The following EFNA2 variants were observed in gnomAD, a reference collection of about 807,000 sequenced individuals.
EFNA2 encodes ephrin A2.
EFNA2 carries 18 observed loss-of-function variants against 19.7 expected under a neutral mutation model. The ratio of observed to expected loss-of-function variants is 0.91; its 90% CI spans 0.63 to 1.35. The LOEUF (loss-of-function observed/expected upper bound fraction) is 1.35. Ranked by LOEUF, EFNA2 falls within the 40% of genes most tolerant of loss-of-function variation. The pLI is 0.00. For missense variants in EFNA2, 303 were observed against 296.0 expected (o/e 1.02, Z -0.17); for synonymous variants, 187 against 137.8 (o/e 1.36, Z -2.50).
chr19:1,298,862 T>C (rs1248692560), intron 3 of EFNA2, among the ~76,000 whole-genome samples: 2 of 152,018 alleles, frequency 1.3e-5, no homozygotes, highest in Non-Finnish European at 2.9e-5. Context: ...GGAGAATCAA[T>C]TGAGCCCAGG....
Position 1,295,755 on chromosome 19 carries a change from C to G in EFNA2, c.351C>G (p.Pro117=). The change falls in exon 2 of 4, where the codon CCC becomes CCG. Residue 117 remains proline, a synonymous_variant. Transcript: ENST00000215368. This position sits in a 1 kb window ranked among gnomAD's most constrained non-coding sequence, Gnocchi z 5.8. The part of the protein sequence containing the change: ...RGFKRWECNR[P]AAPGGPLKFS... Reference sequence around the variant, plus strand: ...TCAAGCGCTGGGAGTGCAACCGGCCCGCGGCGCCCGGGGGGCCGCTCAAGT... The same window carrying G: ...TCAAGCGCTGGGAGTGCAACCGGCCGGCGGCGCCCGGGGGGCCGCTCAAGT... 3 of 1,605,260 alleles carry G rather than the reference C, an allele frequency of 1.9e-6. No homozygotes were observed. The highest frequency in any genetic ancestry group is 2.5e-6 in the Non-Finnish European group (3 of 1,177,008).
rs1320990792 is a variant in EFNA2 at position 1,295,140 on chromosome 19, C to T, written c.141-405C>T. 1.3e-5 allele frequency among the ~76,000 whole-genome samples: 2 copies of T among 152,106 alleles called. No individual in the cohort carries two copies. Among genetic ancestry groups the T allele is most frequent in the African/African-American group, 2.4e-5 (1 of 41,408 alleles). On this transcript the variant is annotated intron_variant, in intron 1 of 3. Transcript: ENST00000215368. The surrounding 1 kb of genome is among the most constrained non-coding windows in gnomAD (Gnocchi z 5.8). ...TGGGCTCCCAACCTTGGAAGCCCGC[C>T]GTGATTGGGGTGTGCAACCCCACCT...
intron 1 of EFNA2, among the ~76,000 whole-genome samples, chr19:1,289,542 G>A (rs2082861311): frequency 6.6e-6 from 1 of 152,210 alleles, no homozygotes; most frequent in African/African-American, 2.4e-5. Context: ...AAGCCTCAGA[G>A]CAGGGTGGAC....
intron 1 of EFNA2, among the ~76,000 whole-genome samples, chr19:1,292,748 G>A (rs922768605): frequency 1.3e-5 from 2 of 152,188 alleles, no homozygotes; most frequent in African/African-American, 4.8e-5. Context: ...CTGAGCCGCC[G>A]CCAACGTGTT....
At chr19:1,292,105 A>G (rs1286099377) in intron 1 of EFNA2, among the ~76,000 whole-genome samples, 1 of 152,218 alleles carries the variant, frequency 6.6e-6, no homozygotes, top group Non-Finnish European at 1.5e-5. Context: ...TAATGGAGGA[A>G]GCGAAGGCTT....
Position 1,295,682 on chromosome 19 carries a change from T to A in EFNA2, c.278T>A (p.Met93Lys). ...AERMEHYVLYMVNGEGHASCD... is the reference protein window; with the variant it reads ...AERMEHYVLYKVNGEGHASCD... ...CGCATGGAGCACTACGTGCTGTACA[T>A]GGTCAACGGCGAGGGCCACGCCTCC... Residue 93 changes from methionine (M) to lysine (K), a missense_variant, in exon 2 of 4, where the codon ATG (methionine) becomes AAG (lysine). Transcript: ENST00000215368. The surrounding 1 kb of genome is among the most constrained non-coding windows in gnomAD (Gnocchi z 5.8). 1 of 1,609,782 alleles carries A rather than the reference T, an allele frequency of 6.2e-7. No individual in the cohort carries two copies. The highest frequency in any genetic ancestry group is 1.3e-5 in the African/African-American group (1 of 74,740).
At chr19:1,289,833 G>A (rs1412484790) in intron 1 of EFNA2, among the ~76,000 whole-genome samples, 26 of 152,204 alleles carry the variant, frequency 1.7e-4, no homozygotes, top group Admixed American at 1.6e-3. Flanking sequence ...CCGTGGCTCC[G>A]CTGGCGTCCC....
intron 3 of EFNA2, 50 bp from the exon 4 acceptor site, chr19:1,299,774 C>T: frequency 1.3e-6 from 2 of 1,552,708 alleles, no homozygotes; most frequent in African/African-American, 2.7e-5. Flanking sequence ...ACGTGGGGAG[C>T]CCAGTGGGGT....
chr19:1,292,544 C>T (rs530728466), intron 1 of EFNA2, among the ~76,000 whole-genome samples: 1 of 152,272 alleles, frequency 6.6e-6, no homozygotes, highest in African/African-American at 2.4e-5. Flanking sequence ...GGGCGGGGCA[C>T]AGGGAACAGC....
Position 1,286,614 on chromosome 19 carries a change from T to G in EFNA2, c.140+306T>G, listed in dbSNP as rs1022058984. On this transcript the variant is annotated intron_variant, in intron 1 of 3. Transcript: ENST00000215368. This position sits in a 1 kb window ranked among gnomAD's most constrained non-coding sequence, Gnocchi z 5.6. ...GGGGAACCCCTCTGGTACCCTCCGA[T>G]GCCGGGTAGCCCCTGAGTTGCCTGC... 6.6e-6 allele frequency among the ~76,000 whole-genome samples: 1 copy of G among 152,128 alleles called. No individual in the cohort carries two copies. Among genetic ancestry groups the G allele is most frequent in the Non-Finnish European group, 1.5e-5 (1 of 67,994 alleles).
chr19:1,284,864 CG>C (rs1411890308), upstream of EFNA2, among the ~76,000 whole-genome samples: 5 of 152,236 alleles, frequency 3.3e-5, no homozygotes, highest in Non-Finnish European at 7.3e-5. This position sits in a 1 kb window ranked among gnomAD's most constrained non-coding sequence, Gnocchi z 5.3. Context: ...ATCTGGGCAT[CG>C]CCAGCAAAGT....
chr19:1,286,942 C>G lies in EFNA2; in HGVS notation c.140+634C>G, dbSNP rs780624051. On this transcript the variant is annotated intron_variant, in intron 1 of 3. Transcript: ENST00000215368. This position sits in a 1 kb window ranked among gnomAD's most constrained non-coding sequence, Gnocchi z 5.6. ...GCAGTGGGATGGAGTCCTCTCTTGT[C>G]CTCTGGGCGCTGACCAGGAAACTGA... 6.6e-6 allele frequency among the ~76,000 whole-genome samples: 1 copy of G among 152,266 alleles called. No homozygotes were observed. The highest frequency in any genetic ancestry group is 1.9e-4 in the East Asian group (1 of 5,158).
rs111533148 is a variant in EFNA2 at position 1,286,383 on chromosome 19, C to T, written c.140+75C>T. On this transcript the variant is annotated intron_variant, in intron 1 of 3. Coordinates refer to ENST00000215368, the MANE Select transcript of EFNA2 (RefSeq NM_001405.4). This position sits in a 1 kb window ranked among gnomAD's most constrained non-coding sequence, Gnocchi z 5.6. ...CAAGCCGCGCCCGGCCTCGCGCCCCCGGAGCTCCGGGCGCCCCCCACGCGC... is the reference window on the plus strand; with the variant it reads ...CAAGCCGCGCCCGGCCTCGCGCCCCTGGAGCTCCGGGCGCCCCCCACGCGC... 1.3e-6 allele frequency: 1 copy of T among 775,198 alleles called. No individual in the cohort carries two copies. The highest frequency in any genetic ancestry group is 6.4e-5 in the Admixed American group (1 of 15,548). 48.0% of individuals were successfully genotyped at this position (775,198 alleles called of 1,614,324 possible). A position where few individuals can be genotyped will look rare whatever the true frequency, so the allele number is the denominator to read the frequency against.
At position 1,294,957 on chromosome 19, in the gene EFNA2, C is replaced by T. The variant is rs1262090654; in HGVS notation, c.141-588C>T. Among the ~76,000 whole-genome samples, 1 of 152,102 alleles carries T rather than the reference C, an allele frequency of 6.6e-6. No homozygotes were observed. The highest frequency in any genetic ancestry group is 1.5e-5 in the Non-Finnish European group (1 of 68,012). On this transcript the variant is annotated intron_variant, in intron 1 of 3. Coordinates refer to ENST00000215368, the MANE Select transcript of EFNA2 (RefSeq NM_001405.4). The surrounding 1 kb of genome is among the most constrained non-coding windows in gnomAD (Gnocchi z 5.8). Reference sequence around the variant, plus strand: ...AGAGGGAATTCTTGTGGAGGGACAGCTCGTGCAGAGGCCCGGAGTCAGGAA... The same window carrying T: ...AGAGGGAATTCTTGTGGAGGGACAGTTCGTGCAGAGGCCCGGAGTCAGGAA...
chr19:1,298,524 C>T, intron 2 of EFNA2, 27 bp from the exon 3 acceptor site: 2 of 1,612,184 alleles, frequency 1.2e-6, no homozygotes, highest in Non-Finnish European at 1.7e-6. Context: ...GGCACTTCCC[C>T]ACTCATCCCC....
rs1323103901 is a variant in EFNA2 at position 1,296,030 on chromosome 19, CA to C, written c.454+173del. On this transcript the variant is annotated intron_variant, in intron 2 of 3. Transcript: ENST00000215368. This position sits in a 1 kb window ranked among gnomAD's most constrained non-coding sequence, Gnocchi z 4.4. ...AGTGGGCGGGGCCGCGGAATGGGGC[CA>C]GGGGGGAGTGGGCGGGGCCGCGGAG... Among the ~76,000 whole-genome samples, 19 of 80,192 alleles carry C rather than the reference CA, an allele frequency of 2.4e-4. No homozygotes were observed. Among genetic ancestry groups the C allele is most frequent in the African/African-American group, 6.6e-4 (13 of 19,610 alleles). 52.6% of individuals were successfully genotyped at this position (80,192 alleles called of 152,430 possible). A position where few individuals can be genotyped will look rare whatever the true frequency, so the allele number is the denominator to read the frequency against.
rs890672153 is a variant in EFNA2 at position 1,286,983 on chromosome 19, A to T, written c.140+675A>T. Among the ~76,000 whole-genome samples the T allele has an allele frequency of 1.3e-5, 2 of 152,050 alleles. No individual in the cohort carries two copies. The highest frequency in any genetic ancestry group is 4.8e-5 in the African/African-American group (2 of 41,400). On this transcript the variant is annotated intron_variant, in intron 1 of 3. Coordinates refer to ENST00000215368, the MANE Select transcript of EFNA2 (RefSeq NM_001405.4). The surrounding 1 kb of genome is among the most constrained non-coding windows in gnomAD (Gnocchi z 5.6). Reference sequence around the variant, plus strand: ...AGGAAACTGAGGTGCAGAGGGGATGAGGAGCTGGCTCAAGGTCATGCAAGG... The same window carrying T: ...AGGAAACTGAGGTGCAGAGGGGATGTGGAGCTGGCTCAAGGTCATGCAAGG...
chr19:1,286,606 C>T lies in EFNA2; in HGVS notation c.140+298C>T, dbSNP rs953758471. ...TGGAGTTTGGGGAACCCCTCTGGTA[C>T]CCTCCGATGCCGGGTAGCCCCTGAG... On this transcript the variant is annotated intron_variant, in intron 1 of 3. Transcript: ENST00000215368. This position sits in a 1 kb window ranked among gnomAD's most constrained non-coding sequence, Gnocchi z 5.6. Among the ~76,000 whole-genome samples, 8 of 152,278 alleles carry T rather than the reference C, an allele frequency of 5.3e-5. No homozygotes were observed. Among genetic ancestry groups the T allele is most frequent in the Non-Finnish European group, 8.8e-5 (6 of 67,988 alleles).
Position 1,295,444 on chromosome 19 carries a change from C to A in EFNA2, c.141-101C>A. ...CCCTCGCCGCGCACCCCGACCCGTC[C>A]CTCGTGCTCCTGTCCCCTGACCCTG... is the stretch of plus-strand genomic sequence containing the variant. On this transcript the variant is annotated intron_variant, in intron 1 of 3. Coordinates refer to ENST00000215368, the MANE Select transcript of EFNA2 (RefSeq NM_001405.4). The surrounding 1 kb of genome is among the most constrained non-coding windows in gnomAD (Gnocchi z 5.8). 1.6e-6 allele frequency: 2 copies of A among 1,249,282 alleles called. No individual in the cohort carries two copies. Among genetic ancestry groups the A allele is most frequent in the South Asian group, 1.7e-5 (1 of 59,936 alleles). 77.4% of individuals were successfully genotyped at this position (1,249,282 alleles called of 1,614,324 possible). A position where few individuals can be genotyped will look rare whatever the true frequency, so the allele number is the denominator to read the frequency against.
Sources: allele counts gnomAD v4.1 joint callset (sites outside exome capture counted in the v4.1 genomes callset), GRCh38; gene constraint gnomAD v4.1.1; non-coding constraint Gnocchi (gnomAD v3.1); transcripts MANE v1.5; gene names NCBI Gene and HGNC (gene_info 2026-07-23, HGNC 2026-07-21).